TOX2: variants seen among roughly 807,000 people sequenced by gnomAD.
TOX2 encodes TOX high mobility group box family member 2, also known as granulosa cell HMG box 1.
A neutral mutation model predicts 47.4 loss-of-function variants in TOX2; 15 were observed. The observed-to-expected ratio is 0.32, with a 90% CI of 0.21 to 0.49. TOX2 has a LOEUF of 0.49. TOX2 is among the 20% of genes least tolerant of loss of function. The pLI is 0.99. For synonymous variants in TOX2, 290 were observed against 296.6 expected (o/e 0.98, Z 0.23); for missense variants, 622 against 673.1 (o/e 0.92, Z 0.84).
intron 1 of TOX2, chr20:43,945,600 CGT>C: frequency 3.2e-6 from 1 of 317,088 alleles, no homozygotes; most frequent in Admixed American, 4.2e-5. Flanking sequence ...CCCAAGGCAG[CGT>C]GTGTGAGTGG....
At chr20:44,018,120 G>A (rs1242628425) in intron 3 of TOX2, among the ~76,000 whole-genome samples, 9 of 152,240 alleles carry the variant, frequency 5.9e-5, no homozygotes, top group Non-Finnish European at 1.3e-4. Context: ...CCAGAGGACA[G>A]TGGGAAAGCC....
chr20:44,009,926 C>T (rs2070751798), intron 3 of TOX2, among the ~76,000 whole-genome samples: 1 of 152,050 alleles, frequency 6.6e-6, no homozygotes, highest in Admixed American at 6.6e-5. Context: ...GTGGTTGGTC[C>T]CAGACACCAG....
At chr20:44,039,748 G>A (rs1040546) in intron 3 of TOX2, among the ~76,000 whole-genome samples, 120,305 of 152,142 alleles carry the variant, frequency 0.79, 47,949 homozygotes, top group African/African-American at 0.88. Flanking sequence ...CAGGACGCAA[G>A]TCAGAATCGT....
chr20:43,935,159 C>T (rs1363862920), intron 1 of TOX2, among the ~76,000 whole-genome samples: 2 of 152,046 alleles, frequency 1.3e-5, no homozygotes, highest in African/African-American at 2.4e-5. Flanking sequence ...GCTTGGGGTG[C>T]GTCAGGACCT....
chr20:44,028,740 G>C (rs1255747333), intron 3 of TOX2, among the ~76,000 whole-genome samples: 1 of 152,208 alleles, frequency 6.6e-6, no homozygotes, highest in Non-Finnish European at 1.5e-5. Context: ...CAGTCCTGGT[G>C]CTGTGGGCAG....
intron 1 of TOX2, among the ~76,000 whole-genome samples, chr20:43,972,661 C>T (rs1030364617): frequency 6.6e-6 from 1 of 152,242 alleles, no homozygotes; most frequent in African/African-American, 2.4e-5. Flanking sequence ...AACTTGAGAT[C>T]ACACTTCAGG....
intron 3 of TOX2, among the ~76,000 whole-genome samples, chr20:44,030,634 C>A (rs1166088769): frequency 1.3e-5 from 2 of 152,194 alleles, no homozygotes; most frequent in East Asian, 1.9e-4. Flanking sequence ...TTTGGCTTCC[C>A]TCTCGGCCCT....
At chr20:44,004,794 T>TAAC (rs973435504) in intron 2 of TOX2, among the ~76,000 whole-genome samples, 9 of 152,328 alleles carry the variant, frequency 5.9e-5, no homozygotes, top group African/African-American at 1.9e-4. Context: ...CACACGCACT[T>TAAC]AAACAATACA....
At chr20:43,919,790 T>C (rs928328931) in intron 1 of TOX2, among the ~76,000 whole-genome samples, 2 of 152,238 alleles carry the variant, frequency 1.3e-5, no homozygotes, top group African/African-American at 4.8e-5. Flanking sequence ...TTTCTGTTCC[T>C]ATGTTAATTT....
intron 5 of TOX2, among the ~76,000 whole-genome samples, chr20:44,060,515 C>G (rs2145784369): frequency 6.6e-6 from 1 of 152,170 alleles, no homozygotes; most frequent in African/African-American, 2.4e-5. Context: ...TAAAACAAGT[C>G]TCAACAAATT....
intron 2 of TOX2, among the ~76,000 whole-genome samples, chr20:43,985,877 G>A (rs778115382): frequency 6.6e-6 from 1 of 152,180 alleles, no homozygotes. Flanking sequence ...GCTTTAAGAG[G>A]AGTGTGTGTC....
At chr20:43,988,013 C>G (rs929699746) in intron 2 of TOX2, among the ~76,000 whole-genome samples, 1 of 151,158 alleles carries the variant, frequency 6.6e-6, no homozygotes, top group East Asian at 1.9e-4. Context: ...TCCACCTCCC[C>G]GGTTCAAGTG....
intron 2 of TOX2, among the ~76,000 whole-genome samples, chr20:43,999,435 A>G (rs1478435589): frequency 6.6e-6 from 1 of 152,212 alleles, no homozygotes; most frequent in Non-Finnish European, 1.5e-5. Context: ...TCTGTAAACC[A>G]ACAATGAACA....
intron 1 of TOX2, among the ~76,000 whole-genome samples, chr20:43,951,296 C>T (rs2069561231): frequency 1.3e-5 from 2 of 152,244 alleles, no homozygotes; most frequent in African/African-American, 2.4e-5. Flanking sequence ...AGTAGATAGG[C>T]CGGTGTGGTG....
chr20:43,953,119 G>T (rs1600677464), intron 1 of TOX2, among the ~76,000 whole-genome samples: 1 of 152,258 alleles, frequency 6.6e-6, no homozygotes, highest in African/African-American at 2.4e-5. Flanking sequence ...CACAGGGAAA[G>T]GCAAGGAAAT....
intron 1 of TOX2, among the ~76,000 whole-genome samples, chr20:43,946,327 A>G (rs781275942): frequency 2.0e-5 from 3 of 150,670 alleles, no homozygotes; most frequent in Non-Finnish European, 2.9e-5. Context: ...CATTCAGCAC[A>G]CCCTGCAGTA....
At chr20:43,931,912 T>C (rs1413721849) in intron 1 of TOX2, among the ~76,000 whole-genome samples, 1 of 152,244 alleles carries the variant, frequency 6.6e-6, no homozygotes, top group Non-Finnish European at 1.5e-5. Context: ...GTGGGTATTT[T>C]AGCCCCTATT....
At chr20:43,943,244 G>A (rs1490763414) in intron 1 of TOX2, among the ~76,000 whole-genome samples, 1 of 152,168 alleles carries the variant, frequency 6.6e-6, no homozygotes, top group Non-Finnish European at 1.5e-5. Flanking sequence ...CCTCCTCCCA[G>A]TACATTTGGC....
chr20:44,058,047 A>G (rs1429996792), intron 5 of TOX2, among the ~76,000 whole-genome samples: 2 of 148,508 alleles, frequency 1.3e-5, no homozygotes, highest in Non-Finnish European at 2.9e-5. Flanking sequence ...CAGAGCACGG[A>G]GACTCACATT....
Sources: gnomAD v4.1 joint callset for allele counts (sites outside exome capture counted in the v4.1 genomes callset) on GRCh38, gnomAD v4.1.1 for gene constraint, MANE v1.5 for transcripts, NCBI Gene and HGNC (gene_info 2026-07-23, HGNC 2026-07-21) for gene names.